Variants in STAG2 observed in about 807,000 individuals in gnomAD.
STAG2 encodes STAG2 cohesin complex component.
A neutral mutation model predicts 108.1 loss-of-function variants in STAG2; 14 were observed. That is an observed-to-expected ratio of 0.13 (90% CI 0.09 to 0.20). STAG2 has a LOEUF of 0.20. Ranked by LOEUF, STAG2 falls within the 10% of genes least tolerant of loss-of-function variation. The pLI is 1.00. For missense variants in STAG2, 440 were observed against 940.9 expected (o/e 0.47, Z 6.96); for synonymous variants, 307 against 302.7 (o/e 1.01, Z -0.15).
chrX:124,056,727 C>A (rs1208544759), intron 14 of STAG2, among the ~76,000 whole-genome samples: 3 of 38,942 alleles, frequency 7.7e-5, no homozygotes, highest in East Asian at 1.1e-3. Flanking sequence ...AGCGAGACTC[C>A]ATCTAAAAAA....
At chrX:124,060,976 AATAAT>A (rs2058360245) in intron 15 of STAG2, among the ~76,000 whole-genome samples, 1 of 108,140 alleles carries the variant, frequency 9.2e-6, no homozygotes, top group Non-Finnish European at 1.9e-5. Flanking sequence ...TTTATATAAA[AATAAT>A]AAAAAATTTT....
At chrX:123,969,961 T>G (rs897966332) in intron 1 of STAG2, among the ~76,000 whole-genome samples, 1 of 101,380 alleles carries the variant, frequency 9.9e-6, no homozygotes, top group Admixed American at 1.1e-4. Context: ...TGTTTTTTTT[T>G]TTTTTTTTTT....
At chrX:123,967,291 G>A (rs1382521264) in intron 1 of STAG2, among the ~76,000 whole-genome samples, 9 of 78,575 alleles carry the variant, frequency 1.1e-4, no homozygotes, top group African/African-American at 4.6e-4. Context: ...TTGAGACGGA[G>A]TTTTGCTCTT....
rs33913146 is a variant in STAG2, at chrX:123,964,960, C to CTTT, written c.-163+3120_-163+3122dup. ...TCCTAAATTCTATTAAGGTAAGTGCCTTTTTTTTTTTTTTTTTTGGCAGTT... is the reference window on the plus strand; with the variant it reads ...TCCTAAATTCTATTAAGGTAAGTGCCTTTTTTTTTTTTTTTTTTTTTGGCAGTT... On this transcript the variant is annotated intron_variant, in intron 1 of 34. Transcript: ENST00000371145. 8.0e-4 allele frequency among the ~76,000 whole-genome samples: 64 copies of CTTT among 80,123 alleles called. 1 individual carries two copies. The highest frequency in any genetic ancestry group is 2.8e-3 in the African/African-American group (58 of 20,660). The allele number at this position is 80,123 out of a possible 115,157, so 69.6% of individuals were successfully genotyped here. A position where few individuals can be genotyped will look rare whatever the true frequency, so the allele number is the denominator to read the frequency against.
chrX:124,046,747 T>G (rs1307987673), intron 8 of STAG2, among the ~76,000 whole-genome samples: 1 of 111,814 alleles, frequency 8.9e-6, no homozygotes, highest in Admixed American at 9.5e-5. Context: ...GCACTTTAAT[T>G]AAGTCACATT....
intron 21 of STAG2, 30 bp from the exon 22 acceptor site, chrX:124,066,142 AATT>A (rs1245031072): frequency 2.6e-6 from 2 of 772,648 alleles, no homozygotes; most frequent in African/African-American, 2.9e-5. Flanking sequence ...AATAAAACTT[AATT>A]TTTTTTTTTT....
intron 25 of STAG2, among the ~76,000 whole-genome samples, chrX:124,072,691 G>GTTGT (rs3072795): frequency 0.25 from 26,409 of 103,985 alleles, 2,887 homozygotes; most frequent in South Asian, 0.43. Context: ...TGTTGTTGTT[G>GTTGT]TTGTTTGTTT....
At chrX:124,092,088 CTCT>C (rs779979290) in intron 32 of STAG2, among the ~76,000 whole-genome samples, 1 of 110,825 alleles carries the variant, frequency 9.0e-6, no homozygotes, top group African/African-American at 3.3e-5. Flanking sequence ...AGTTGTTACC[CTCT>C]TCTTTTTTTA....
At chrX:124,009,066 C>T (rs1396747064) in intron 1 of STAG2, among the ~76,000 whole-genome samples, 6 of 111,417 alleles carry the variant, frequency 5.4e-5, no homozygotes, top group East Asian at 2.8e-4. Context: ...AAAACAAAAA[C>T]GTTAGCTCTA....
chrX:124,026,721 C>T (rs945819055), intron 4 of STAG2: 4 of 169,065 alleles, frequency 2.4e-5, no homozygotes, highest in Non-Finnish European at 5.0e-5. Context: ...GATGCACATA[C>T]TTCTATTCAT....
In STAG2 at chrX:124,100,893, AAAAAAC is replaced by A; in HGVS notation, c.*301_*306del. The A allele has an allele frequency of 1.3e-5, 3 of 222,570 alleles. No homozygotes were observed. Among genetic ancestry groups the A allele is most frequent in the African/African-American group, 2.9e-5 (1 of 34,866 alleles). 18.3% of individuals were successfully genotyped at this position (222,570 alleles called of 1,213,427 possible). A position where few individuals can be genotyped will look rare whatever the true frequency, so the allele number is the denominator to read the frequency against. On this transcript the variant is annotated 3_prime_UTR_variant, in exon 35 of 35. Coordinates refer to ENST00000371145, the MANE Select transcript of STAG2 (RefSeq NM_001042750.2). ...TTTCATGCTTTTTTTTAAAAAAAAA[AAAAAAC>A]AAAATAACAATCTGAAGAGGCATTT...
chrX:124,066,463 AT>A (rs34397445), intron 23 of STAG2, 27 bp downstream of exon 23: 20,597 of 1,040,162 alleles, frequency 0.02, 167 homozygotes, highest in Non-Finnish European at 0.024. Context: ...TAGTGTTTTT[AT>A]TAGACTAAAT....
At chrX:124,070,035 C>T (rs1314591357) in intron 24 of STAG2, among the ~76,000 whole-genome samples, 2 of 111,126 alleles carry the variant, frequency 1.8e-5, no homozygotes, top group Non-Finnish European at 3.8e-5. Context: ...TCCTGTGTAA[C>T]CTCCTATATA....
At chrX:124,079,746 A>C (rs2058903099) in intron 27 of STAG2, among the ~76,000 whole-genome samples, 1 of 112,866 alleles carries the variant, frequency 8.9e-6, no homozygotes, top group Admixed American at 9.3e-5. Flanking sequence ...AACAAATGCA[A>C]ATTATCCTTA....
At chrX:124,059,993 A>G (rs2058332053) in intron 15 of STAG2, among the ~76,000 whole-genome samples, 1 of 111,603 alleles carries the variant, frequency 9.0e-6, no homozygotes, top group Non-Finnish European at 1.9e-5. Flanking sequence ...CATTCCCTCT[A>G]TGTTCATAAA....
intron 1 of STAG2, among the ~76,000 whole-genome samples, chrX:123,992,436 T>A (rs112773508): frequency 5.3e-4 from 59 of 111,331 alleles, no homozygotes; most frequent in African/African-American, 1.0e-3. Context: ...ACTTTTTTTT[T>A]AAATTTCCGT....
At chrX:123,988,531 G>A (rs897894058) in intron 1 of STAG2, among the ~76,000 whole-genome samples, 15 of 111,081 alleles carry the variant, frequency 1.4e-4, no homozygotes, top group African/African-American at 4.9e-4. Context: ...TATGCCCATA[G>A]CTTTTTGTGT....
At chrX:124,037,293 A>G (rs1473967108) in intron 5 of STAG2, among the ~76,000 whole-genome samples, 1 of 111,976 alleles carries the variant, frequency 8.9e-6, no homozygotes, top group Non-Finnish European at 1.9e-5. Flanking sequence ...CATTCTTTTC[A>G]ATGCAAAATA....
intron 34 of STAG2, 127 bp from the exon 35 acceptor site, chrX:124,100,447 A>G (rs2059486448): frequency 3.9e-6 from 2 of 516,489 alleles, no homozygotes; most frequent in African/African-American, 4.8e-5. Context: ...AAGAGAGGGG[A>G]AGTTTTCAAA....
Sources: allele counts gnomAD v4.1 joint callset (sites outside exome capture counted in the v4.1 genomes callset), GRCh38; gene constraint gnomAD v4.1.1; transcripts MANE v1.5; gene names NCBI Gene and HGNC (gene_info 2026-07-23, HGNC 2026-07-21).